The following SAMD4A variants were observed in gnomAD, a reference collection of about 807,000 sequenced individuals.
The protein encoded by SAMD4A is protein Smaug homolog 1.
In SAMD4A, 33 loss-of-function variants were observed where a neutral mutation model predicts 81.3. That is an observed-to-expected ratio of 0.41 (90% CI 0.31 to 0.54). The LOEUF is 0.54. Among genes scored for constraint, SAMD4A ranks in the 20% least tolerant of loss-of-function variants. The pLI, the probability that SAMD4A is intolerant of heterozygous loss-of-function variation, is 0.37. For missense variants in SAMD4A, 854 were observed against 951.1 expected, an observed-to-expected ratio of 0.90 and a Z score of 1.34; for synonymous variants, 389 against 382.1, an observed-to-expected ratio of 1.02 and a Z score of -0.21.
At chr14:54,595,728 A>C (rs547920644) in intron 2 of SAMD4A, among the ~76,000 whole-genome samples, 5 of 152,326 alleles carry the variant, frequency 3.3e-5, no homozygotes, top group African/African-American at 1.2e-4. Context: ...GACAGTTCTC[A>C]TTCAAAAATT....
chr14:54,581,722 T>C (rs1001229619), intron 2 of SAMD4A, among the ~76,000 whole-genome samples: 1 of 152,212 alleles, frequency 6.6e-6, no homozygotes, highest in African/African-American at 2.4e-5. Flanking sequence ...TATACCTATT[T>C]TGATAGTATG....
chr14:54,575,002 A>C (rs1218254478), intron 2 of SAMD4A, among the ~76,000 whole-genome samples: 1 of 152,174 alleles, frequency 6.6e-6, no homozygotes, highest in African/African-American at 2.4e-5. Flanking sequence ...GAAATGAAAG[A>C]GACTGTTAGA....
intron 2 of SAMD4A, among the ~76,000 whole-genome samples, chr14:54,636,749 C>T (rs1432402415): frequency 6.6e-6 from 1 of 152,074 alleles, no homozygotes; most frequent in African/African-American, 2.4e-5. Context: ...TTATCCTAAG[C>T]TTTTTGACCT....
At position 54,660,641 on chromosome 14, in the gene SAMD4A, G is replaced by A. The variant is rs1037604197; in HGVS notation, c.197-41421G>A. ...CTTGGCTGACTTTGACATTTGCTGT[G>A]CTCTGGATGGAAGGACTGGAGAAGA... On this transcript the variant is annotated intron_variant, in intron 2 of 12. Transcript: ENST00000554335. 5.3e-5 allele frequency among the ~76,000 whole-genome samples: 8 copies of A among 152,148 alleles called. No homozygotes were observed. In the South Asian group the frequency reaches 6.2e-4, roughly 12 times the overall value.
chr14:54,637,535 C>T (rs1044685811), intron 2 of SAMD4A, among the ~76,000 whole-genome samples: 2 of 151,992 alleles, frequency 1.3e-5, no homozygotes, highest in African/African-American at 4.8e-5. Context: ...TCTGAGAGGC[C>T]AAGCAAGAAG....
intron 2 of SAMD4A, among the ~76,000 whole-genome samples, chr14:54,629,664 T>A (rs1343263314): frequency 2.6e-5 from 4 of 151,680 alleles, no homozygotes; most frequent in Non-Finnish European, 5.9e-5. Flanking sequence ...GGCTTAAAAA[T>A]TTTTTTTTCA....
At chr14:54,728,475 C>T (rs192226571) in intron 3 of SAMD4A, among the ~76,000 whole-genome samples, 73 of 152,162 alleles carry the variant, frequency 4.8e-4, no homozygotes, top group Admixed American at 5.9e-4. Flanking sequence ...AGAGCCTAAA[C>T]CATCCAATTT....
At chr14:54,626,348 T>C (rs2034764377) in intron 2 of SAMD4A, among the ~76,000 whole-genome samples, 1 of 152,214 alleles carries the variant, frequency 6.6e-6, no homozygotes, top group South Asian at 2.1e-4. Flanking sequence ...TAATTAGTTC[T>C]AATTTAGTGA....
chr14:54,763,127 T>C (rs1045541401), intron 7 of SAMD4A, among the ~76,000 whole-genome samples: 12 of 151,810 alleles, frequency 7.9e-5, no homozygotes, highest in Non-Finnish European at 1.2e-4. Context: ...AGTGCTGAGA[T>C]TACAGGCATG....
intron 2 of SAMD4A, among the ~76,000 whole-genome samples, chr14:54,660,490 G>T (rs191585311): frequency 1.3e-5 from 2 of 152,204 alleles, no homozygotes; most frequent in Non-Finnish European, 1.5e-5. Flanking sequence ...TCCCCTTGTG[G>T]GGAGCAGGAG....
chr14:54,664,459 G>C (rs1449353213), intron 2 of SAMD4A, among the ~76,000 whole-genome samples: 1 of 152,192 alleles, frequency 6.6e-6, no homozygotes. Context: ...GAGCCAGGCT[G>C]AGGAGCGCGC....
intron 2 of SAMD4A, among the ~76,000 whole-genome samples, chr14:54,655,990 G>C (rs1272946245): frequency 6.6e-6 from 1 of 152,098 alleles, no homozygotes; most frequent in Non-Finnish European, 1.5e-5. Context: ...CATGGAAAGT[G>C]CTTAAAATAG....
intron 2 of SAMD4A, among the ~76,000 whole-genome samples, chr14:54,610,737 G>A (rs1445979397): frequency 6.6e-6 from 1 of 152,196 alleles, no homozygotes; most frequent in Non-Finnish European, 1.5e-5. Context: ...GATAGTCAAT[G>A]ATATAATCAT....
At chr14:54,658,319 A>C (rs1466006636) in intron 2 of SAMD4A, among the ~76,000 whole-genome samples, 1 of 152,092 alleles carries the variant, frequency 6.6e-6, no homozygotes, top group Non-Finnish European at 1.5e-5. Context: ...TCAAAAAATA[A>C]AAAGAGCATG....
intron 2 of SAMD4A, among the ~76,000 whole-genome samples, chr14:54,652,057 C>T (rs1219501370): frequency 6.6e-6 from 1 of 152,208 alleles, no homozygotes; most frequent in African/African-American, 2.4e-5. Flanking sequence ...GTAGAAAGCA[C>T]ACCAGAACTT....
At chr14:54,742,370 G>A (rs1324296609) in intron 4 of SAMD4A, among the ~76,000 whole-genome samples, 1 of 152,172 alleles carries the variant, frequency 6.6e-6, no homozygotes, top group East Asian at 1.9e-4. Flanking sequence ...CCTGGTGAGT[G>A]TGGGAACTGT....
intron 2 of SAMD4A, among the ~76,000 whole-genome samples, chr14:54,588,313 T>A (rs2033679937): frequency 6.6e-6 from 1 of 152,168 alleles, no homozygotes; most frequent in Non-Finnish European, 1.5e-5. Flanking sequence ...ATTTTATTTA[T>A]CTTTTCAAAG....
rs2034079424 is a variant in SAMD4A at position 54,602,382 on chromosome 14, C to T, written c.196+34270C>T. 2.0e-5 allele frequency among the ~76,000 whole-genome samples: 3 copies of T among 148,272 alleles called. No homozygotes were observed. In the South Asian group the frequency reaches 6.5e-4, roughly 32 times the overall value. On this transcript the variant is annotated intron_variant, in intron 2 of 12. Transcript: ENST00000554335. ...CACACACACACACACACACGAAACA[C>T]CAGGATAGCACAGACAGTGGCTTTC...
chr14:54,643,246 C>G (rs1207787504), intron 2 of SAMD4A, among the ~76,000 whole-genome samples: 1 of 152,172 alleles, frequency 6.6e-6, no homozygotes, highest in Non-Finnish European at 1.5e-5. Context: ...AAGCATACAC[C>G]TTTCCAAATG....
Sources: allele counts gnomAD v4.1 joint callset (sites outside exome capture counted in the v4.1 genomes callset), GRCh38; gene constraint gnomAD v4.1.1; transcripts MANE v1.5; gene names NCBI Gene and HGNC (gene_info 2026-07-23, HGNC 2026-07-21).